The following CEP120 variants were observed in gnomAD, a reference collection of about 807,000 sequenced individuals.
The protein encoded by CEP120 is centrosomal protein of 120 kDa.
Under a neutral mutation model 126.5 loss-of-function variants are expected in CEP120, and 113 were observed. The observed-to-expected ratio is 0.89, with a 90% CI of 0.77 to 1.04. The LOEUF is 1.04. Among genes scored for constraint, CEP120 ranks in the 50% least tolerant of loss-of-function variants. CEP120 has a pLI of 0.00. For synonymous variants in CEP120, 400 were observed against 394.3 expected (o/e 1.01, Z -0.17); for missense variants, 1,230 against 1,155.7 (o/e 1.06, Z -0.93).
intron 5 of CEP120, 37 bp from the exon 6 acceptor site, chr5:123,393,534 T>A: frequency 6.5e-7 from 1 of 1,536,190 alleles, no homozygotes; most frequent in Non-Finnish European, 9.0e-7. Flanking sequence ...GTTATTACTT[T>A]CTAAACTACT....
In CEP120 at chr5:123,345,803, C is replaced by CTAAT. The variant is rs1438622278; in HGVS notation, c.*712_*715dup. 2 of 152,050 alleles carry CTAAT rather than the reference C, an allele frequency of 1.3e-5. No homozygotes were observed. Among genetic ancestry groups the CTAAT allele is most frequent in the East Asian group, 1.9e-4 (1 of 5,202 alleles). 9.4% of individuals were successfully genotyped at this position (152,050 alleles called of 1,614,324 possible). On this transcript the variant is annotated 3_prime_UTR_variant, in exon 20 of 20. Transcript: ENST00000306467. ...ATAACTGGAAAATAAAAAGAAATCTCTAATTTTAACAAAAGAAAACAATGC... is the reference window on the plus strand; with the variant it reads ...ATAACTGGAAAATAAAAAGAAATCTCTAATTAATTTTAACAAAAGAAAACAATGC...
At chr5:123,349,041 C>G (rs1468210433) in intron 19 of CEP120, among the ~76,000 whole-genome samples, 2 of 152,114 alleles carry the variant, frequency 1.3e-5, no homozygotes, top group Non-Finnish European at 2.9e-5. Context: ...CCTTGATAAA[C>G]TAAGCTAAGA....
intron 4 of CEP120, among the ~76,000 whole-genome samples, chr5:123,404,817 G>A (rs1458065406): frequency 6.6e-6 from 1 of 152,164 alleles, no homozygotes; most frequent in African/African-American, 2.4e-5. Context: ...AATATCAATT[G>A]TATGATTTCA....
intron 13 of CEP120, 35 bp from the exon 14 acceptor site, chr5:123,382,235 C>A (rs761890888): frequency 5.1e-6 from 7 of 1,371,456 alleles, no homozygotes; most frequent in East Asian, 2.3e-5. Context: ...CGCCAAAAAA[C>A]CCCAAATATG....
At chr5:123,423,644 T>C (rs1304408238), upstream of CEP120, 1 of 152,402 alleles carries the variant, frequency 6.6e-6, no homozygotes, top group Non-Finnish European at 1.5e-5. Context: ...GCGTATTACC[T>C]GCTTTATGCT....
At chr5:123,346,786 A>C in intron 19 of CEP120, 33 bp from the exon 20 acceptor site, 1 of 1,462,308 alleles carries the variant, frequency 6.8e-7, no homozygotes, top group African/African-American at 1.4e-5. Flanking sequence ...CACTGTAGCA[A>C]CTGTGTTGGT....
intron 4 of CEP120, chr5:123,403,826 A>C (rs1773449221): frequency 3.3e-6 from 1 of 306,756 alleles, no homozygotes; most frequent in Non-Finnish European, 6.4e-6. Flanking sequence ...GCAATCTTCA[A>C]AATTTCAAGG....
chr5:123,374,047 A>G (rs1771040091), intron 16 of CEP120, among the ~76,000 whole-genome samples: 2 of 152,148 alleles, frequency 1.3e-5, no homozygotes, highest in African/African-American at 4.8e-5. Context: ...TGAGCATTAC[A>G]GATATGCCAG....
intron 17 of CEP120, among the ~76,000 whole-genome samples, chr5:123,370,909 A>T (rs1390545323): frequency 6.6e-6 from 1 of 151,708 alleles, no homozygotes; most frequent in Non-Finnish European, 1.5e-5. Flanking sequence ...CCCAGTCCCC[A>T]ATGTTACTTT....
At chr5:123,376,467 G>T (rs1283357851) in intron 16 of CEP120, among the ~76,000 whole-genome samples, 2 of 152,096 alleles carry the variant, frequency 1.3e-5, no homozygotes, top group Non-Finnish European at 2.9e-5. Context: ...AGGCCTGCAG[G>T]ACAAGGCAAT....
intron 10 of CEP120, among the ~76,000 whole-genome samples, 196 bp downstream of exon 10, chr5:123,386,322 G>A (rs1772015640): frequency 6.6e-6 from 1 of 152,022 alleles, no homozygotes; most frequent in African/African-American, 2.4e-5. Flanking sequence ...TCAAAAAAGA[G>A]CCTTTATAAT....
At chr5:123,366,644 A>G (rs1428391) in intron 17 of CEP120, among the ~76,000 whole-genome samples, 107,842 of 151,650 alleles carry the variant, frequency 0.71, 38,486 homozygotes, top group African/African-American at 0.73. Context: ...TATTCCTACC[A>G]CTACTTCCTT....
At chr5:123,418,067 A>G (rs1440581693) in intron 2 of CEP120, among the ~76,000 whole-genome samples, 1 of 152,212 alleles carries the variant, frequency 6.6e-6, no homozygotes, top group Non-Finnish European at 1.5e-5. Flanking sequence ...TTGAGTGCTG[A>G]CATAATGCCA....
At chr5:123,367,650 A>T (rs1454577204) in intron 17 of CEP120, among the ~76,000 whole-genome samples, 3 of 151,960 alleles carry the variant, frequency 2.0e-5, no homozygotes, top group Non-Finnish European at 4.4e-5. Flanking sequence ...CAAAAAATCT[A>T]AAAGTGGAAA....
intron 4 of CEP120, among the ~76,000 whole-genome samples, chr5:123,409,734 G>A (rs955910884): frequency 2.0e-5 from 3 of 152,102 alleles, no homozygotes; most frequent in Admixed American, 2.0e-4. Flanking sequence ...GAGGCAGGCG[G>A]ATCACCTGAG....
chr5:123,402,381 C>T (rs1156429040), intron 4 of CEP120: 24 of 1,359,050 alleles, frequency 1.8e-5, no homozygotes, highest in Non-Finnish European at 1.9e-5. Context: ...CCGAACCAGG[C>T]AGAGATCCTA....
At chr5:123,371,029 C>G (rs1272422891) in intron 17 of CEP120, among the ~76,000 whole-genome samples, 1 of 152,012 alleles carries the variant, frequency 6.6e-6, no homozygotes, top group Non-Finnish European at 1.5e-5. Context: ...AATTCTTTAA[C>G]TTAGCATCTA....
intron 14 of CEP120, among the ~76,000 whole-genome samples, chr5:123,379,294 G>T (rs1771480059): frequency 6.6e-6 from 1 of 151,874 alleles, no homozygotes; most frequent in South Asian, 2.1e-4. Context: ...ATTAGTTTTT[G>T]GCTTTCGTTT....
At chr5:123,364,905 A>G (rs1770347475) in intron 17 of CEP120, among the ~76,000 whole-genome samples, 1 of 151,798 alleles carries the variant, frequency 6.6e-6, no homozygotes, top group East Asian at 1.9e-4. Context: ...TGAGAAATAC[A>G]TTCATTTTTT....
Sources: gnomAD v4.1 joint callset for allele counts (sites outside exome capture counted in the v4.1 genomes callset) on GRCh38, gnomAD v4.1.1 for gene constraint, MANE v1.5 for transcripts, NCBI Gene and HGNC (gene_info 2026-07-23, HGNC 2026-07-21) for gene names.